Variants in NDST4 observed in about 807,000 individuals in gnomAD.
The protein encoded by NDST4 is N-heparan sulfate sulfotransferase 4.
Under a neutral mutation model 100.8 loss-of-function variants are expected in NDST4, and 63 were observed. The ratio of observed to expected loss-of-function variants is 0.62; its 90% CI spans 0.51 to 0.77. NDST4 has a LOEUF of 0.77. Among genes scored for constraint, NDST4 ranks in the 30% least tolerant of loss-of-function variants. The probability of loss-of-function intolerance (pLI) is 0.00; values close to 1 mark genes in which losing one functional copy is unlikely to be tolerated. For missense variants in NDST4, 943 were observed against 1,018.4 expected, an observed-to-expected ratio of 0.93 and a Z score of 1.01; for synonymous variants, 377 against 361.8, an observed-to-expected ratio of 1.04 and a Z score of -0.48.
rs201752251 is a variant in NDST4, at chr4:114,870,908, G to A, written c.1579C>T (p.Arg527Cys). ...MTHLSNYGND[R>C]LGLYTFVNLV... ...TTCACAAAGGTATATAACCCTAGGC[G>A]GTCATTTCCATAGTTTGATAAATGG... Residue 527 changes from arginine (R) to cysteine (C), a missense_variant, in exon 7 of 14, where the codon CGC becomes TGC. Arg to Cys is a radical substitution (Grantham distance 180). Coordinates refer to ENST00000264363, the MANE Select transcript of NDST4 (RefSeq NM_022569.3). 3.1e-6 allele frequency: 5 copies of A among 1,609,386 alleles called. No individual in the cohort carries two copies. The highest frequency in any genetic ancestry group is 1.7e-5 in the Admixed American group (1 of 59,118).
chr4:115,086,122 A>G (rs1290298796), intron 1 of NDST4, among the ~76,000 whole-genome samples: 1 of 152,194 alleles, frequency 6.6e-6, no homozygotes, highest in Non-Finnish European at 1.5e-5. Context: ...CTAAAGATCA[A>G]TGCAGTCTCT....
intron 7 of NDST4, among the ~76,000 whole-genome samples, chr4:114,856,955 T>C (rs1723810418): frequency 6.6e-6 from 1 of 152,134 alleles, no homozygotes; most frequent in Admixed American, 6.5e-5. Flanking sequence ...TGCTAGGAAA[T>C]ATTTCTCTGT....
chr4:114,906,329 T>G (rs1560805825), intron 6 of NDST4, among the ~76,000 whole-genome samples: 1 of 151,982 alleles, frequency 6.6e-6, no homozygotes, highest in Non-Finnish European at 1.5e-5. Context: ...CCTTCTAGTT[T>G]TATGTTTGCA....
At chr4:115,082,339 T>C (rs1188929641) in intron 1 of NDST4, among the ~76,000 whole-genome samples, 1 of 152,192 alleles carries the variant, frequency 6.6e-6, no homozygotes, top group Admixed American at 6.5e-5. Context: ...GTTTGCAAAG[T>C]TCATTTGCCA....
At chr4:114,970,799 TCAGA>T (rs1239853775) in intron 3 of NDST4, among the ~76,000 whole-genome samples, 5 of 152,138 alleles carry the variant, frequency 3.3e-5, no homozygotes, top group African/African-American at 1.2e-4. Context: ...TGGCACCAGG[TCAGA>T]CAGTTGTTTA....
At chr4:115,065,125 A>T (rs1343249877) in intron 2 of NDST4, among the ~76,000 whole-genome samples, 1 of 151,950 alleles carries the variant, frequency 6.6e-6, no homozygotes, top group Non-Finnish European at 1.5e-5. Context: ...AATTCTGTCA[A>T]TTCTACTTCT....
At position 115,021,357 on chromosome 4, in the gene NDST4, C is replaced by CATATATACATTCCATATATATATTCCAT. The variant is rs1553961736; in HGVS notation, c.979-44111_979-44084dup. Among the ~76,000 whole-genome samples, 334 of 146,436 alleles carry CATATATACATTCCATATATATATTCCAT rather than the reference C, an allele frequency of 2.3e-3. 5 individuals carry two copies. The highest frequency in any genetic ancestry group is 7.6e-3 in the African/African-American group (281 of 36,844). ...ATACATATTCCATATATACATATTC[C>CATATATACATTCCATATATATATTCCAT]ATATATACATTCCATATATATATTC... On this transcript the variant is annotated intron_variant, in intron 2 of 13. Coordinates refer to ENST00000264363, the MANE Select transcript of NDST4 (RefSeq NM_022569.3).
intron 3 of NDST4, among the ~76,000 whole-genome samples, chr4:114,970,794 C>T (rs113986545): frequency 0.015 from 2,273 of 152,050 alleles, 66 homozygotes; most frequent in African/African-American, 0.052. Context: ...ATGGCTGGCA[C>T]CAGGTCAGAC....
chr4:115,019,850 A>G (rs560677237), intron 2 of NDST4, among the ~76,000 whole-genome samples: 81 of 152,162 alleles, frequency 5.3e-4, no homozygotes, highest in African/African-American at 1.7e-3. Context: ...CACAAACTCA[A>G]TTGTGCTTTT....
At chr4:114,916,536 C>CTGTGTGTG (rs537961796) in intron 6 of NDST4, among the ~76,000 whole-genome samples, 288 of 129,086 alleles carry the variant, frequency 2.2e-3, no homozygotes, top group Admixed American at 0.011. Flanking sequence ...CTGGTAGGCT[C>CTGTGTGTG]TGTGTGTGTG....
chr4:114,865,999 A>T (rs1297216016), intron 7 of NDST4, among the ~76,000 whole-genome samples: 1 of 152,242 alleles, frequency 6.6e-6, no homozygotes. Context: ...AATTTTGATT[A>T]GGAAAAAATA....
At chr4:114,907,814 T>G (rs1219775400) in intron 6 of NDST4, among the ~76,000 whole-genome samples, 1 of 151,544 alleles carries the variant, frequency 6.6e-6, no homozygotes, top group Non-Finnish European at 1.5e-5. Context: ...AAAGAGAGGG[T>G]CCTAACTTAT....
intron 2 of NDST4, among the ~76,000 whole-genome samples, chr4:115,054,186 T>C (rs1007163969): frequency 3.3e-5 from 5 of 151,960 alleles, no homozygotes; most frequent in African/African-American, 1.2e-4. Context: ...GAAGATAATA[T>C]ATGGCAGGCT....
At chr4:115,093,270 TC>T (rs1241169052) in intron 1 of NDST4, among the ~76,000 whole-genome samples, 1 of 152,000 alleles carries the variant, frequency 6.6e-6, no homozygotes, top group East Asian at 1.9e-4. Context: ...GGTCAGGAGA[TC>T]GAGACTATCC....
At chr4:115,109,359 T>C (rs888551351) in intron 1 of NDST4, among the ~76,000 whole-genome samples, 129 of 152,046 alleles carry the variant, frequency 8.5e-4, no homozygotes, top group African/African-American at 2.9e-3. Flanking sequence ...ATAAGTTCAA[T>C]TGATGGTGGA....
chr4:114,831,960 T>A (rs1178882535), intron 12 of NDST4, among the ~76,000 whole-genome samples: 2 of 152,176 alleles, frequency 1.3e-5, no homozygotes, highest in African/African-American at 2.4e-5. Context: ...TGGTTTGAGT[T>A]TTTTTTATTC....
chr4:114,977,425 G>T (rs1726663980), intron 2 of NDST4, 151 bp from the exon 3 acceptor site: 2 of 460,478 alleles, frequency 4.3e-6, no homozygotes, highest in Non-Finnish European at 3.8e-6. Context: ...CGTATTTCAG[G>T]TATTATAATT....
At chr4:114,907,657 G>A (rs550486907) in intron 6 of NDST4, among the ~76,000 whole-genome samples, 1 of 152,120 alleles carries the variant, frequency 6.6e-6, no homozygotes, top group Non-Finnish European at 1.5e-5. Context: ...GTTATGATAG[G>A]GGATCAGTTA....
At position 114,852,711 on chromosome 4, in the gene NDST4, T is replaced by C. The variant is rs774422236; in HGVS notation, c.1816+14A>G. 4.2e-6 allele frequency: 6 copies of C among 1,442,738 alleles called. No homozygotes were observed. Among genetic ancestry groups the C allele is most frequent in the East Asian group, 2.3e-5 (1 of 43,888 alleles). 89.4% of individuals were successfully genotyped at this position (1,442,738 alleles called of 1,614,324 possible). A position where few individuals can be genotyped will look rare whatever the true frequency, so the allele number is the denominator to read the frequency against. ...TTTAAAAAGGATATAAGTAGCACAA[T>C]TGGCTATTTTTACCTGTTTTTTGTG... On this transcript the variant is annotated intron_variant, in intron 8 of 13. Coordinates refer to ENST00000264363, the MANE Select transcript of NDST4 (RefSeq NM_022569.3).
Sources: gnomAD v4.1 joint callset for allele counts (sites outside exome capture counted in the v4.1 genomes callset) on GRCh38, gnomAD v4.1.1 for gene constraint, MANE v1.5 for transcripts, NCBI Gene and HGNC (gene_info 2026-07-23, HGNC 2026-07-21) for gene names.